CHST9: variants seen among roughly 807,000 people sequenced by gnomAD.
The protein encoded by CHST9 is GalNAc-4-sulfotransferase 2.
A neutral mutation model predicts 44.4 loss-of-function variants in CHST9; 41 were observed. The ratio of observed to expected loss-of-function variants is 0.92; its 90% CI spans 0.72 to 1.20. The LOEUF (loss-of-function observed/expected upper bound fraction) is 1.20. Among genes scored for constraint, CHST9 ranks in the 50% most tolerant of loss-of-function variants. The pLI is 0.00. For missense variants in CHST9, 504 were observed against 516.5 expected (o/e 0.98, Z 0.23); for synonymous variants, 171 against 178.4 (o/e 0.96, Z 0.33).
chr18:26,987,469 C>A lies in CHST9; in HGVS notation c.202+36647G>T, dbSNP rs192098606. ...TGACTAAAACAATAAACATAAAAAA[C>A]CGAAAAAAGTTGTTTAAACCTTTTA... On this transcript the variant is annotated intron_variant, in intron 4 of 5. Coordinates refer to ENST00000618847, the MANE Select transcript of CHST9 (RefSeq NM_031422.6). 9.2e-5 allele frequency among the ~76,000 whole-genome samples: 14 copies of A among 151,964 alleles called. No homozygotes were observed. In the East Asian group the frequency reaches 1.9e-3, roughly 21 times the overall value.
intron 5 of CHST9, chr18:26,933,535 CA>C (rs1265891685): frequency 6.5e-6 from 1 of 153,534 alleles, no homozygotes; most frequent in Admixed American, 6.5e-5. Context: ...ATTTAGACAC[CA>C]AACTCCATTC....
At chr18:27,049,446 A>T (rs1360705477) in intron 2 of CHST9, among the ~76,000 whole-genome samples, 2 of 152,182 alleles carry the variant, frequency 1.3e-5, no homozygotes, top group Non-Finnish European at 1.5e-5. Context: ...GTAAGAGGTC[A>T]GAAAATTTAA....
intron 2 of CHST9, among the ~76,000 whole-genome samples, chr18:27,119,650 T>TG (rs1048816350): frequency 3.9e-5 from 5 of 129,510 alleles, no homozygotes; most frequent in Non-Finnish European, 6.5e-5. Context: ...TTTTTTGTTT[T>TG]GGGTTTTTTT....
intron 4 of CHST9, among the ~76,000 whole-genome samples, chr18:27,000,466 T>G (rs1039372478): frequency 7.2e-5 from 11 of 152,244 alleles, no homozygotes; most frequent in Admixed American, 3.9e-4. Flanking sequence ...GAATCTAAAA[T>G]AATATATCTA....
At chr18:26,930,710 G>T (rs1269448438) in intron 5 of CHST9, 1 of 153,736 alleles carries the variant, frequency 6.5e-6, no homozygotes, top group Non-Finnish European at 1.5e-5. Flanking sequence ...TTTGGCCTGA[G>T]GATGGAAGTC....
At chr18:27,054,460 A>G (rs78225682) in intron 2 of CHST9, among the ~76,000 whole-genome samples, 3,719 of 152,296 alleles carry the variant, frequency 0.024, 61 homozygotes, top group African/African-American at 0.039. Context: ...TGAATTTGTA[A>G]GATAAAACTT....
chr18:27,147,145 A>G (rs1361889668), intron 1 of CHST9, among the ~76,000 whole-genome samples: 2 of 151,848 alleles, frequency 1.3e-5, no homozygotes, highest in African/African-American at 4.8e-5. Context: ...GCTCACCACA[A>G]CCTTCACCTC....
chr18:27,024,748 C>T (rs534781022), intron 3 of CHST9, among the ~76,000 whole-genome samples: 102 of 152,242 alleles, frequency 6.7e-4, no homozygotes, highest in African/African-American at 2.3e-3. Context: ...AGCAACCCCA[C>T]GGATATTTAA....
intron 2 of CHST9, among the ~76,000 whole-genome samples, chr18:27,090,991 T>C (rs2058062942): frequency 6.6e-6 from 1 of 152,172 alleles, no homozygotes; most frequent in Admixed American, 6.5e-5. Context: ...AGAAAGTCAT[T>C]GATAGCTTGA....
At chr18:27,156,388 A>T (rs2058699099) in intron 1 of CHST9, among the ~76,000 whole-genome samples, 1 of 152,136 alleles carries the variant, frequency 6.6e-6, no homozygotes, top group South Asian at 2.1e-4. Flanking sequence ...TATGTATATA[A>T]TCAATACTAA....
chr18:27,132,371 C>T (rs557086589), intron 2 of CHST9, among the ~76,000 whole-genome samples: 1 of 152,148 alleles, frequency 6.6e-6, no homozygotes, highest in African/African-American at 2.4e-5. Flanking sequence ...CTGACCTCAA[C>T]GAAGACATTT....
intron 2 of CHST9, among the ~76,000 whole-genome samples, chr18:27,086,570 T>C (rs2058014355): frequency 1.3e-5 from 2 of 152,168 alleles, no homozygotes; most frequent in Admixed American, 1.3e-4. Context: ...AATAATTAAG[T>C]AACTTGTCTA....
chr18:27,074,529 A>G (rs2057878262), intron 2 of CHST9, among the ~76,000 whole-genome samples: 1 of 152,138 alleles, frequency 6.6e-6, no homozygotes, highest in South Asian at 2.1e-4. Context: ...CCGTCTGTCA[A>G]ATTTTGACTT....
In CHST9 at chr18:27,179,226, CA is replaced by C. The variant is rs374475364; in HGVS notation, c.-97+5909del. Reference sequence around the variant, plus strand: ...CAGTTTGTCACCACTTATTGTCACCCAAAAAAGATAGATTCCTAAGAGAAAT... The same window carrying C: ...CAGTTTGTCACCACTTATTGTCACCCAAAAAGATAGATTCCTAAGAGAAAT... On this transcript the variant is annotated intron_variant, in intron 1 of 5. Coordinates refer to ENST00000618847, the MANE Select transcript of CHST9 (RefSeq NM_031422.6). Among the ~76,000 whole-genome samples the C allele has an allele frequency of 7.5e-4, 114 of 151,766 alleles. 3 individuals carry two copies. The highest frequency in any genetic ancestry group is 2.6e-3 in the African/African-American group (107 of 41,414).
intron 1 of CHST9, among the ~76,000 whole-genome samples, chr18:27,169,979 A>C (rs2058822100): frequency 6.6e-6 from 1 of 152,162 alleles, no homozygotes; most frequent in African/African-American, 2.4e-5. Flanking sequence ...GTATGAGTCC[A>C]TTTTTATAAA....
intron 1 of CHST9, among the ~76,000 whole-genome samples, chr18:27,155,326 G>C (rs2058691037): frequency 6.6e-6 from 1 of 152,132 alleles, no homozygotes; most frequent in Admixed American, 6.5e-5. Context: ...TTTGTTGAAA[G>C]ATTGGATACT....
chr18:26,980,824 G>C (rs985084309), intron 4 of CHST9, among the ~76,000 whole-genome samples: 2 of 152,200 alleles, frequency 1.3e-5, no homozygotes, highest in Non-Finnish European at 2.9e-5. Context: ...AGGTATGAAA[G>C]AGGCTATGGG....
chr18:27,085,223 G>A (rs1247985360), intron 2 of CHST9, among the ~76,000 whole-genome samples: 1 of 152,040 alleles, frequency 6.6e-6, no homozygotes, highest in African/African-American at 2.4e-5. Context: ...AAGAGTTTAT[G>A]ATAATGACTC....
intron 4 of CHST9, among the ~76,000 whole-genome samples, chr18:26,956,496 A>G (rs2145141620): frequency 6.7e-6 from 1 of 149,156 alleles, no homozygotes; most frequent in East Asian, 1.9e-4. Flanking sequence ...AATTTTTTAT[A>G]TATATACACA....
Sources: allele counts gnomAD v4.1 joint callset (sites outside exome capture counted in the v4.1 genomes callset), GRCh38; gene constraint gnomAD v4.1.1; transcripts MANE v1.5; gene names NCBI Gene and HGNC (gene_info 2026-07-23, HGNC 2026-07-21).